The following PCDHGA1 variants were observed in gnomAD, a reference collection of about 807,000 sequenced individuals.
PCDHGA1 encodes the protein protocadherin gamma-A1.
Under a neutral mutation model 58.0 loss-of-function variants are expected in PCDHGA1, and 32 were observed. That is an observed-to-expected ratio of 0.55 (90% CI 0.42 to 0.74). The LOEUF is 0.74. Among genes scored for constraint, PCDHGA1 ranks in the 30% least tolerant of loss-of-function variants. The pLI, the probability that PCDHGA1 is intolerant of heterozygous loss-of-function variation, is 0.00. For synonymous variants in PCDHGA1, 498 were observed against 501.1 expected, an observed-to-expected ratio of 0.99 and a Z score of 0.08; for missense variants, 1,205 against 1,182.3, an observed-to-expected ratio of 1.02 and a Z score of -0.28.
At chr5:141,494,991 G>A in intron 2 of PCDHGA1, 126 bp downstream of exon 2, 1 of 1,551,148 alleles carries the variant, frequency 6.4e-7, no homozygotes, top group Non-Finnish European at 8.7e-7. Context: ...AGATCCCAGG[G>A]AGGTCTTGGT....
chr5:141,354,163 CACTAA>C (rs1183313451), intron 1 of PCDHGA1, among the ~76,000 whole-genome samples: 4 of 152,148 alleles, frequency 2.6e-5, no homozygotes, highest in Non-Finnish European at 5.9e-5. Flanking sequence ...GTGAAAAAAT[CACTAA>C]ACTATTATCT....
intron 1 of PCDHGA1, among the ~76,000 whole-genome samples, chr5:141,452,276 C>A (rs1160292593): frequency 2.6e-5 from 4 of 152,172 alleles, no homozygotes; most frequent in Admixed American, 6.5e-5. Flanking sequence ...TGAACCCTTT[C>A]TTACTTTCTG....
At chr5:141,397,254 A>G (rs961705126) in intron 1 of PCDHGA1, among the ~76,000 whole-genome samples, 12 of 152,184 alleles carry the variant, frequency 7.9e-5, no homozygotes, top group Non-Finnish European at 1.3e-4. Flanking sequence ...AGGGTATATC[A>G]TTTCTTAGCT....
Position 141,431,354 on chromosome 5 carries a change from G to A in PCDHGA1, c.2422-63453G>A, listed in dbSNP as rs777198567. On this transcript the variant is annotated intron_variant, in intron 1 of 3. Coordinates refer to ENST00000517417, the MANE Select transcript of PCDHGA1 (RefSeq NM_018912.3). This position sits in a 1 kb window ranked among gnomAD's most constrained non-coding sequence, Gnocchi z 4.8. ...GTACCCCGAATTGGTGCTGAAACGC[G>A]CCCTGGACCGCGAAGAAAAGGCTGC... is the stretch of plus-strand genomic sequence containing the variant. 1 of 1,614,036 alleles carries A rather than the reference G, an allele frequency of 6.2e-7. No homozygotes were observed. Among genetic ancestry groups the A allele is most frequent in the South Asian group, 1.1e-5 (1 of 91,086 alleles).
Position 141,491,531 on chromosome 5 carries a change from T to G in PCDHGA1, c.2422-3276T>G, listed in dbSNP as rs532897059. On this transcript the variant is annotated intron_variant, in intron 1 of 3. Coordinates refer to ENST00000517417, the MANE Select transcript of PCDHGA1 (RefSeq NM_018912.3). This position sits in a 1 kb window ranked among gnomAD's most constrained non-coding sequence, Gnocchi z 6.9. ...ACGCTCAAGTACATGGAGGTGACGC[T>G]GCGGCCCACAGACTCGCAGAGCCAC... The G allele has an allele frequency of 6.2e-7, 1 of 1,614,044 alleles. No homozygotes were observed. The highest frequency in any genetic ancestry group is 1.7e-5 in the Admixed American group (1 of 60,028).
At chr5:141,355,138 G>A (rs1759726918) in intron 1 of PCDHGA1, 1 of 1,524,966 alleles carries the variant, frequency 6.6e-7, no homozygotes. Context: ...AGAAGATCCT[G>A]GGGCTCCTCA....
At chr5:141,399,662 C>G (rs759226157) in intron 1 of PCDHGA1, 1 of 1,613,666 alleles carries the variant, frequency 6.2e-7, no homozygotes, top group South Asian at 1.1e-5. Context: ...GTGGTGTTCG[C>G]GCAGCGCGCC....
At position 141,495,009 on chromosome 5, in the gene PCDHGA1, G is replaced by A; in HGVS notation, c.2480+144G>A. 6 of 1,518,622 alleles carry A rather than the reference G, an allele frequency of 4.0e-6. No homozygotes were observed. The South Asian group carries it at 6.2e-5, about 16-fold the overall frequency. The allele number at this position is 1,518,622 out of a possible 1,614,324, so 94.1% of individuals were successfully genotyped here. ...TCCCAGGGAGGTCTTGGTGTGCGGG[G>A]GGCTGGCACACAGACCCCGGAAGGA... is the stretch of plus-strand genomic sequence containing the variant. On this transcript the variant is annotated intron_variant, in intron 2 of 3. Coordinates refer to ENST00000517417, the MANE Select transcript of PCDHGA1 (RefSeq NM_018912.3).
rs776876444 is a variant in PCDHGA1 at position 141,330,973 on chromosome 5, G to C, written c.289G>C (p.Ala97Pro). 8.7e-6 allele frequency: 14 copies of C among 1,614,070 alleles called. No homozygotes were observed. The highest frequency in any genetic ancestry group is 6.7e-5 in the East Asian group (3 of 44,892). The change falls in exon 1 of 4, where the codon GCT becomes CCT. Residue 97 changes from alanine to proline, a missense_variant. Ala to Pro is a conservative substitution (Grantham distance 27). Coordinates refer to ENST00000517417, the MANE Select transcript of PCDHGA1 (RefSeq NM_018912.3). ...ARRIDREELC[A>P]QSMPCLVSFN... Reference sequence around the variant, plus strand: ...CAGGATAGACCGGGAGGAGCTCTGCGCTCAGAGCATGCCGTGTCTCGTGAG... The same window carrying C: ...CAGGATAGACCGGGAGGAGCTCTGCCCTCAGAGCATGCCGTGTCTCGTGAG...
chr5:141,418,018 T>C, intron 1 of PCDHGA1: 1 of 1,613,868 alleles, frequency 6.2e-7, no homozygotes, highest in Non-Finnish European at 8.5e-7. Flanking sequence ...TCGCTAAGGA[T>C]CTAGGGCTTA....
chr5:141,421,665 C>G (rs1227312221), intron 1 of PCDHGA1: 4 of 1,613,854 alleles, frequency 2.5e-6, no homozygotes, highest in Non-Finnish European at 2.5e-6. Flanking sequence ...TCAGTGAGCA[C>G]GCAATTCCTG....
chr5:141,367,096 G>A (rs1364732092), intron 1 of PCDHGA1: 1 of 251,526 alleles, frequency 4.0e-6, no homozygotes, highest in East Asian at 1.1e-4. Flanking sequence ...TCTCTTTTGA[G>A]TGTCTGCCTA....
At position 141,432,065 on chromosome 5, in the gene PCDHGA1, AC is replaced by A; in HGVS notation, c.2422-62741del. 1.2e-6 allele frequency: 2 copies of A among 1,614,048 alleles called. No homozygotes were observed. The highest frequency in any genetic ancestry group is 1.7e-6 in the Non-Finnish European group (2 of 1,180,006). On this transcript the variant is annotated intron_variant, in intron 1 of 3. Transcript: ENST00000517417. The surrounding 1 kb of genome is among the most constrained non-coding windows in gnomAD (Gnocchi z 6.0). ...GGGAACCCCGCCCCTATCCACGGAA[AC>A]TCATATCTCGCTGAACGTGGCAGAC...
chr5:141,395,213 T>C, intron 1 of PCDHGA1: 1 of 1,613,280 alleles, frequency 6.2e-7, no homozygotes, highest in Non-Finnish European at 8.5e-7. Flanking sequence ...TTCATGAATA[T>C]AAGAATGAAG....
At chr5:141,333,249 T>C in intron 1 of PCDHGA1, 144 bp downstream of exon 1, 2 of 1,201,010 alleles carry the variant, frequency 1.7e-6, no homozygotes, top group Non-Finnish European at 1.2e-6. Context: ...AAAATCACGA[T>C]TGAGTCTACA....
At chr5:141,392,127 A>G (rs2092470129) in intron 1 of PCDHGA1, 1 of 152,236 alleles carries the variant, frequency 6.6e-6, no homozygotes, top group Admixed American at 6.5e-5. Flanking sequence ...AGCTTGTAAA[A>G]TGATTAAGTA....
At chr5:141,467,565 C>A (rs2154569547) in intron 1 of PCDHGA1, among the ~76,000 whole-genome samples, 1 of 152,302 alleles carries the variant, frequency 6.6e-6, no homozygotes, top group East Asian at 1.9e-4. Context: ...TCCCAAATGG[C>A]TATCCAGTTG....
At chr5:141,352,581 A>G (rs1024925039) in intron 1 of PCDHGA1, 2 of 1,613,834 alleles carry the variant, frequency 1.2e-6, no homozygotes, top group Non-Finnish European at 1.7e-6. Context: ...GCTCCCCCTC[A>G]GGATCTGCTG....
intron 1 of PCDHGA1, among the ~76,000 whole-genome samples, chr5:141,473,858 C>T (rs569473917): frequency 6.6e-6 from 1 of 152,168 alleles, no homozygotes; most frequent in Non-Finnish European, 1.5e-5. Flanking sequence ...ATGAACCTCG[C>T]TATTGTGGAG....
Sources: allele counts gnomAD v4.1 joint callset (sites outside exome capture counted in the v4.1 genomes callset), GRCh38; gene constraint gnomAD v4.1.1; non-coding constraint Gnocchi (gnomAD v3.1); transcripts MANE v1.5; gene names NCBI Gene and HGNC (gene_info 2026-07-23, HGNC 2026-07-21).